The following ISLR2 variants were observed in gnomAD, a reference collection of about 807,000 sequenced individuals.
ISLR2 encodes immunoglobulin superfamily containing leucine rich repeat 2, also known as immunoglobulin superfamily containing leucine-rich repeat protein 2.
ISLR2 carries 16 observed loss-of-function variants against 25.5 expected under a neutral mutation model. The observed-to-expected ratio is 0.63, with a 90% CI of 0.43 to 0.95. ISLR2 has a LOEUF of 0.95. Among genes scored for constraint, ISLR2 ranks in the 40% least tolerant of loss-of-function variants. ISLR2 has a pLI of 0.00. For synonymous variants in ISLR2, 508 were observed against 486.6 expected (o/e 1.04, Z -0.58); for missense variants, 883 against 1,030.7 (o/e 0.86, Z 1.96).
At chr15:74,125,421 G>C (rs2072287320), upstream of ISLR2, among the ~76,000 whole-genome samples, 1 of 152,016 alleles carries the variant, frequency 6.6e-6, no homozygotes, top group Admixed American at 6.5e-5. Context: ...TAAAAAAAAT[G>C]TAGAGATGAG....
Position 74,134,695 on chromosome 15 carries a change from G to T in ISLR2, c.1941G>T (p.Pro647=). 6.2e-7 allele frequency: 1 copy of T among 1,614,116 alleles called. No homozygotes were observed. Among genetic ancestry groups the T allele is most frequent in the Non-Finnish European group, 8.5e-7 (1 of 1,180,018 alleles). ...MEKRIAADFD[P]RASYLESEKS... is the part of the protein sequence containing the mutation. ...AGCGCATCGCCGCAGACTTCGACCC[G>T]CGTGCTTCGTACCTCGAGTCCGAGA... The change falls in exon 3 of 3, where the codon CCG becomes CCT. Residue 647 remains proline, a synonymous_variant. Transcript: ENST00000453268.
chr15:74,137,194 G>C (rs2072578742), downstream of ISLR2, among the ~76,000 whole-genome samples: 1 of 152,200 alleles, frequency 6.6e-6, no homozygotes, highest in African/African-American at 2.4e-5. Flanking sequence ...GTGTCACACT[G>C]CCCAGTTTCT....
At chr15:74,102,133 G>A (rs1368339734) in intron 1 of ISLR2, among the ~76,000 whole-genome samples, 1 of 135,224 alleles carries the variant, frequency 7.4e-6, no homozygotes, top group Admixed American at 7.6e-5. Context: ...CACAAGAATC[G>A]CTTGAACCCG....
rs2072541644 is a variant in ISLR2, at chr15:74,135,112, C to G, written c.*120C>G. Reference sequence around the variant, plus strand: ...AACCTTCACCTACTCCTCCCCCTTACTACTCCCCAACCTTGACTACCAGGG... The same window carrying G: ...AACCTTCACCTACTCCTCCCCCTTAGTACTCCCCAACCTTGACTACCAGGG... On this transcript the variant is annotated 3_prime_UTR_variant, in exon 3 of 3. Transcript: ENST00000453268. The G allele has an allele frequency of 8.1e-7, 1 of 1,235,650 alleles. No homozygotes were observed. Among genetic ancestry groups the G allele is most frequent in the Admixed American group, 2.5e-5 (1 of 40,774 alleles). 76.5% of individuals were successfully genotyped at this position (1,235,650 alleles called of 1,614,324 possible).
At chr15:74,118,581 T>G (rs2072229201) in intron 2 of ISLR2, among the ~76,000 whole-genome samples, 1 of 151,844 alleles carries the variant, frequency 6.6e-6, no homozygotes. Flanking sequence ...TTGGAGCATC[T>G]GAAAAAATGG....
intron 2 of ISLR2, among the ~76,000 whole-genome samples, chr15:74,122,816 C>A (rs190558924): frequency 1.3e-5 from 2 of 152,282 alleles, no homozygotes; most frequent in Admixed American, 1.3e-4. Flanking sequence ...AGGCCCTGCG[C>A]AGCCCCCCAA....
intron 2 of ISLR2, among the ~76,000 whole-genome samples, chr15:74,113,796 G>C (rs1306506144): frequency 6.6e-6 from 1 of 152,226 alleles, no homozygotes; most frequent in African/African-American, 2.4e-5. Flanking sequence ...CAAGAGTGGA[G>C]ACTCTGGCTG....
Position 74,132,721 on chromosome 15 carries a change from C to G in ISLR2, c.-8-26C>G. On this transcript the variant is annotated intron_variant, in intron 2 of 2. Transcript: ENST00000453268. The surrounding 1 kb of genome is among the most constrained non-coding windows in gnomAD (Gnocchi z 4.3). ...TGGGGTTCAGTGAGTCACCTTCTTT[C>G]TTCTTCACCTGGCTTCCATCTGCAG... 6.3e-7 allele frequency: 1 copy of G among 1,596,902 alleles called. No individual in the cohort carries two copies. Among genetic ancestry groups the G allele is most frequent in the Non-Finnish European group, 8.6e-7 (1 of 1,168,746 alleles).
chr15:74,138,944 G>A (rs1332442584), downstream of ISLR2, among the ~76,000 whole-genome samples: 1 of 152,130 alleles, frequency 6.6e-6, no homozygotes, highest in Non-Finnish European at 1.5e-5. Context: ...TGAGTGCTCA[G>A]CAGTTTTGGT....
At position 74,134,654 on chromosome 15, in the gene ISLR2, C is replaced by T; in HGVS notation, c.1900C>T (p.Pro634Ser). Residue 634 changes from proline to serine, a missense_variant, in exon 3 of 3, where the codon CCT (proline) becomes TCT (serine). Transcript: ENST00000453268. Reference sequence around the variant, plus strand: ...CCGTCTGATCCTGCGGCCTCAGGCCCCTGACCCTATGGAGAAGCGCATCGC... The same window carrying T: ...CCGTCTGATCCTGCGGCCTCAGGCCTCTGACCCTATGGAGAAGCGCATCGC... ...PYRLILRPQA[P>S]DPMEKRIAAD... is the part of the protein sequence containing the mutation. The T allele has an allele frequency of 6.2e-7, 1 of 1,614,152 alleles. No homozygotes were observed. Among genetic ancestry groups the T allele is most frequent in the East Asian group, 2.2e-5 (1 of 44,876 alleles).
chr15:74,133,173 G>C lies in ISLR2; in HGVS notation c.419G>C (p.Arg140Pro), dbSNP rs149537427. 6.2e-7 allele frequency: 1 copy of C among 1,613,184 alleles called. No individual in the cohort carries two copies. The highest frequency in any genetic ancestry group is 8.5e-7 in the Non-Finnish European group (1 of 1,179,976). Residue 140 changes from arginine (R) to proline (P), a missense_variant, in exon 3 of 3, where the codon CGG becomes CCG. Physicochemically the swap from Arg to Pro is moderately radical, Grantham distance 103 (BLOSUM62 -2). Coordinates refer to ENST00000453268, the MANE Select transcript of ISLR2 (RefSeq NM_020851.3). ...MNHNRLGSLP[R>P]DALGALPDLR... ...CACAACCGCCTGGGCTCTCTGCCCC[G>C]GGACGCACTCGGTGCGCTACCCGAC...
At chr15:74,118,750 C>T (rs2072230598) in intron 2 of ISLR2, among the ~76,000 whole-genome samples, 1 of 151,782 alleles carries the variant, frequency 6.6e-6, no homozygotes, top group African/African-American at 2.4e-5. Flanking sequence ...CTCCGCTTCC[C>T]AGGTTCATGC....
chr15:74,140,512 G>T (rs965140657), downstream of ISLR2, among the ~76,000 whole-genome samples: 2 of 152,168 alleles, frequency 1.3e-5, no homozygotes, highest in East Asian at 3.8e-4. Flanking sequence ...AGGAGGTGTC[G>T]CCTGCAAAGA....
chr15:74,124,508 C>G (rs1485037651), upstream of ISLR2, among the ~76,000 whole-genome samples: 1 of 152,132 alleles, frequency 6.6e-6, no homozygotes, highest in Non-Finnish European at 1.5e-5. Flanking sequence ...CTGTAATTTT[C>G]AGCACTTTGG....
upstream of ISLR2, chr15:74,128,172 C>G: frequency 3.3e-6 from 1 of 300,882 alleles, no homozygotes; most frequent in Non-Finnish European, 6.3e-6. Context: ...GAGGTGCGCG[C>G]AGTCTTCTAG....
At chr15:74,131,569 C>T (rs2072420426) in intron 2 of ISLR2, among the ~76,000 whole-genome samples, 1 of 152,152 alleles carries the variant, frequency 6.6e-6, no homozygotes, top group Non-Finnish European at 1.5e-5. Context: ...TTTGTGTGAC[C>T]GGGCTTAAGG....
rs1229536826 is a variant in ISLR2 at position 74,134,955 on chromosome 15, A to T, written c.2201A>T (p.Gln734Leu). Residue 734 changes from glutamine to leucine, a missense_variant, in exon 3 of 3, where the codon CAG becomes CTG. By Grantham distance (113) the Gln-to-Leu change is moderately radical. Around this residue, in one of 2 missense-constraint regions of ISLR2, gnomAD observed 612 missense variants for 642.8 expected, o/e 0.95. Transcript: ENST00000453268. ...GGCGCCGAGGCGGTCAACATCGCCCAGGAGATTAATGGCAACTACAGGCAG... is the reference window on the plus strand; with the variant it reads ...GGCGCCGAGGCGGTCAACATCGCCCTGGAGATTAATGGCAACTACAGGCAG... ...PLGAEAVNIA[Q>L]EINGNYRQTA... 1 of 1,613,806 alleles carries T rather than the reference A, an allele frequency of 6.2e-7. No homozygotes were observed. The highest frequency in any genetic ancestry group is 1.7e-5 in the Admixed American group (1 of 60,032).
chr15:74,126,269 T>G (rs1204018323), upstream of ISLR2: 1 of 151,932 alleles, frequency 6.6e-6, no homozygotes, highest in Non-Finnish European at 1.5e-5. Flanking sequence ...TCTCAAGTAC[T>G]GAGCACTAAG....
chr15:74,113,258 G>C (rs779008209), intron 2 of ISLR2, among the ~76,000 whole-genome samples: 1 of 152,158 alleles, frequency 6.6e-6, no homozygotes, highest in Non-Finnish European at 1.5e-5. Flanking sequence ...CCAGGTCACC[G>C]ACGGGTACAG....
Sources: gnomAD v4.1 joint callset for allele counts (sites outside exome capture counted in the v4.1 genomes callset) on GRCh38, gnomAD v4.1.1 for gene constraint, gnomAD v4.1.1 regional missense constraint, Gnocchi (gnomAD v3.1) non-coding constraint, MANE v1.5 for transcripts, NCBI Gene and HGNC (gene_info 2026-07-23, HGNC 2026-07-21) for gene names.